Variants in FAM76A observed in about 807,000 individuals in gnomAD.
FAM76A encodes protein FAM76A.
FAM76A carries 32 observed loss-of-function variants against 46.2 expected under a neutral mutation model. The ratio of observed to expected loss-of-function variants is 0.69; its 90% CI spans 0.52 to 0.93. The LOEUF (loss-of-function observed/expected upper bound fraction) is 0.93, where lower values mean the gene tolerates loss of function less well. FAM76A is among the 40% of genes least tolerant of loss of function. The probability of loss-of-function intolerance (pLI) is 0.00; values close to 1 mark genes in which losing one functional copy is unlikely to be tolerated. For synonymous variants in FAM76A, 137 were observed against 127.0 expected, an observed-to-expected ratio of 1.08 and a Z score of -0.53; for missense variants, 274 against 361.5, an observed-to-expected ratio of 0.76 and a Z score of 1.96.
intron 5 of FAM76A, among the ~76,000 whole-genome samples, chr1:27,748,346 GA>G (rs1281876873): frequency 6.6e-6 from 1 of 150,880 alleles, no homozygotes; most frequent in Non-Finnish European, 1.5e-5. Flanking sequence ...GGATGGTGTC[GA>G]TCTCCTGACC....
chr1:27,734,055 A>G lies in FAM76A; in HGVS notation c.226A>G (p.Ile76Val), dbSNP rs1172702204. The G allele has an allele frequency of 6.2e-7, 1 of 1,609,904 alleles. No individual in the cohort carries two copies. The highest frequency in any genetic ancestry group is 8.5e-7 in the Non-Finnish European group (1 of 1,179,198). ...GTPKPCQYCN[I>V]IAAFIGNKCQ... is the part of the protein sequence containing the mutation. ...GCCCAAACCTTGTCAGTATTGCAACATAATTGCAGCATTTATTGGGAATAA... is the reference window on the plus strand; with the variant it reads ...GCCCAAACCTTGTCAGTATTGCAACGTAATTGCAGCATTTATTGGGAATAA... Residue 76 changes from isoleucine to valine, a missense_variant, in exon 4 of 9, where the codon ATA (isoleucine) becomes GTA (valine). Physicochemically the swap from Ile to Val is conservative, Grantham distance 29. Coordinates refer to ENST00000373954, the MANE Select transcript of FAM76A (RefSeq NM_152660.3).
intron 4 of FAM76A, among the ~76,000 whole-genome samples, chr1:27,734,586 G>T (rs1313796644): frequency 1.3e-5 from 2 of 152,192 alleles, no homozygotes; most frequent in Admixed American, 1.3e-4. Flanking sequence ...AACAAAGAAA[G>T]ATTTCTCAGT....
chr1:27,744,514 A>G, intron 4 of FAM76A, 140 bp from the exon 5 acceptor site: 1 of 773,204 alleles, frequency 1.3e-6, no homozygotes, highest in Non-Finnish European at 2.2e-6. Flanking sequence ...TCCTTGTAGC[A>G]GCCCCCTGTG....
rs2088521672 is a variant in FAM76A, at chr1:27,762,232, T to TG, written c.*1651_*1652insG. 6.6e-6 allele frequency: 1 copy of TG among 152,122 alleles called. No homozygotes were observed. Among genetic ancestry groups the TG allele is most frequent in the Non-Finnish European group, 1.5e-5 (1 of 68,022 alleles). 9.4% of individuals were successfully genotyped at this position (152,122 alleles called of 1,614,324 possible). On this transcript the variant is annotated 3_prime_UTR_variant, in exon 9 of 9. Coordinates refer to ENST00000373954, the MANE Select transcript of FAM76A (RefSeq NM_152660.3). The stretch of plus-strand genomic sequence containing the variant: ...CCCTGTAGGAATATGGATTTACTTT[T>TG]CCAGGAAAGGGGATAGATTTACATT...
rs2088488209 is a variant in FAM76A at position 27,760,597 on chromosome 1, C to T, written c.*16C>T. 3.1e-6 allele frequency: 5 copies of T among 1,589,528 alleles called. No homozygotes were observed. Among genetic ancestry groups the T allele is most frequent in the Non-Finnish European group, 4.3e-6 (5 of 1,163,522 alleles). On this transcript the variant is annotated 3_prime_UTR_variant, in exon 9 of 9. Transcript: ENST00000373954. ...CTCTCCATGACAGACCTCAAGGAGG[C>T]TCCCTAGCAACAGCAAATGGAGTTG...
At chr1:27,752,586 G>A (rs1030629520) in intron 6 of FAM76A, among the ~76,000 whole-genome samples, 1 of 151,938 alleles carries the variant, frequency 6.6e-6, no homozygotes, top group Non-Finnish European at 1.5e-5. Flanking sequence ...TTTTTAACTC[G>A]TAGTTTCATT....
At chr1:27,738,529 G>A (rs1468701912) in intron 4 of FAM76A, among the ~76,000 whole-genome samples, 4 of 151,888 alleles carry the variant, frequency 2.6e-5, no homozygotes, top group African/African-American at 4.8e-5. Context: ...CTTTCAGGTC[G>A]TATCCCATAA....
intron 6 of FAM76A, among the ~76,000 whole-genome samples, chr1:27,753,553 A>G (rs2088363619): frequency 6.6e-6 from 1 of 152,202 alleles, no homozygotes; most frequent in Non-Finnish European, 1.5e-5. Flanking sequence ...CAGTAATTCC[A>G]TCCATTCATT....
At chr1:27,734,420 G>A (rs1421918719) in intron 4 of FAM76A, among the ~76,000 whole-genome samples, 4 of 151,996 alleles carry the variant, frequency 2.6e-5, no homozygotes, top group Non-Finnish European at 5.9e-5. Context: ...GGTGGCATGC[G>A]CCTGTAGTCC....
chr1:27,730,004 G>A (rs548437827), intron 2 of FAM76A, among the ~76,000 whole-genome samples: 2 of 152,238 alleles, frequency 1.3e-5, no homozygotes, highest in Admixed American at 1.3e-4. Context: ...GGGACTTCAT[G>A]TTAGTGGAAT....
In FAM76A at chr1:27,736,341, A is replaced by T. The variant is rs575610234; in HGVS notation, c.354+2158A>T. ...CATCTCAAAAAAAAGGAAAGCGGGG[A>T]GGGTATCTGGACTCAGAATGTGTGG... On this transcript the variant is annotated intron_variant, in intron 4 of 8. Transcript: ENST00000373954. 1.1e-4 allele frequency among the ~76,000 whole-genome samples: 16 copies of T among 152,162 alleles called. No individual in the cohort carries two copies. In the South Asian group the frequency reaches 2.5e-3, roughly 24 times the overall value.
intron 3 of FAM76A, among the ~76,000 whole-genome samples, chr1:27,733,487 A>G (rs1268636610): frequency 1.3e-5 from 2 of 152,120 alleles, no homozygotes; most frequent in Non-Finnish European, 2.9e-5. Context: ...GGTTTTTGTT[A>G]TTTGTTTATT....
At chr1:27,746,642 G>A (rs776630227) in intron 5 of FAM76A, among the ~76,000 whole-genome samples, 4 of 152,114 alleles carry the variant, frequency 2.6e-5, no homozygotes, top group South Asian at 2.1e-4. Context: ...CAGGAGAATC[G>A]CTTGAACCCA....
At chr1:27,730,648 G>A (rs1200442012) in intron 2 of FAM76A, among the ~76,000 whole-genome samples, 1 of 152,118 alleles carries the variant, frequency 6.6e-6, no homozygotes, top group Non-Finnish European at 1.5e-5. Flanking sequence ...TTCTTTGAAT[G>A]TCCTTCACTT....
intron 4 of FAM76A, among the ~76,000 whole-genome samples, chr1:27,738,885 G>A (rs944236752): frequency 2.0e-5 from 3 of 152,172 alleles, no homozygotes; most frequent in South Asian, 2.1e-4. Flanking sequence ...TGGTAGCCAT[G>A]GGAAGCTCTG....
rs1331136436 is a variant in FAM76A at position 27,762,584 on chromosome 1, A to T, written c.*2003A>T. ...AGGGATACAGTGGACCATGTCGCTT[A>T]TATATCACCCTACTAGGGGATATAA... On this transcript the variant is annotated 3_prime_UTR_variant, in exon 9 of 9. Transcript: ENST00000373954. 4 of 152,200 alleles carry T rather than the reference A, an allele frequency of 2.6e-5. No individual in the cohort carries two copies. Among genetic ancestry groups the T allele is most frequent in the Non-Finnish European group, 4.4e-5 (3 of 68,026 alleles). 9.4% of individuals were successfully genotyped at this position (152,200 alleles called of 1,614,324 possible). A position where few individuals can be genotyped will look rare whatever the true frequency, so the allele number is the denominator to read the frequency against.
chr1:27,749,037 ATG>A, intron 5 of FAM76A, 29 bp from the exon 6 acceptor site: 1 of 1,413,596 alleles, frequency 7.1e-7, no homozygotes, highest in Non-Finnish European at 9.8e-7. Flanking sequence ...TTGATTTCTA[ATG>A]TGTGTCTCTC....
intron 4 of FAM76A, among the ~76,000 whole-genome samples, chr1:27,736,873 C>T (rs2088055965): frequency 1.3e-5 from 2 of 152,072 alleles, no homozygotes; most frequent in Non-Finnish European, 2.9e-5. Context: ...GTGATCAGCC[C>T]ACCTCGGCCT....
intron 4 of FAM76A, among the ~76,000 whole-genome samples, chr1:27,741,758 C>T (rs552335168): frequency 6.6e-6 from 1 of 151,922 alleles, no homozygotes; most frequent in East Asian, 1.9e-4. Flanking sequence ...TGGTGGGCGC[C>T]TGTAATCCCA....
Sources: gnomAD v4.1 joint callset for allele counts (sites outside exome capture counted in the v4.1 genomes callset) on GRCh38, gnomAD v4.1.1 for gene constraint, MANE v1.5 for transcripts, NCBI Gene and HGNC (gene_info 2026-07-23, HGNC 2026-07-21) for gene names.